Variants in RHBDD1 observed in about 807,000 individuals in gnomAD.
RHBDD1 encodes the protein rhomboid-related protein 4.
A neutral mutation model predicts 36.3 loss-of-function variants in RHBDD1; 38 were observed. The ratio of observed to expected loss-of-function variants is 1.05; its 90% CI spans 0.81 to 1.37. The LOEUF (loss-of-function observed/expected upper bound fraction) is 1.37, where lower values mean the gene tolerates loss of function less well. RHBDD1 is among the 40% of genes most tolerant of loss of function. RHBDD1 has a pLI of 0.00. For missense variants in RHBDD1, 393 were observed against 377.6 expected (o/e 1.04, Z -0.34); for synonymous variants, 151 against 136.5 (o/e 1.11, Z -0.74).
chr2:226,895,683 A>G (rs1947047028), intron 5 of RHBDD1: 1 of 985,284 alleles, frequency 1.0e-6, no homozygotes, highest in Admixed American at 6.1e-5. Flanking sequence ...GAATAGCAAC[A>G]CAGATCCTAA....
chr2:226,803,671 C>T, the RHBDD1 span, among the ~76,000 whole-genome samples: 1 of 152,170 alleles, frequency 6.6e-6, no homozygotes, highest in African/African-American at 2.4e-5. Context: ...AACCAACTGC[C>T]TTCTGACATA....
intron 7 of RHBDD1, among the ~76,000 whole-genome samples, chr2:226,910,954 A>G (rs1439089984): frequency 6.6e-6 from 1 of 152,026 alleles, no homozygotes; most frequent in Non-Finnish European, 1.5e-5. Flanking sequence ...AAACTTTCCC[A>G]TTTTCTTTCC....
At chr2:226,833,591 T>C (rs536548713), upstream of RHBDD1, among the ~76,000 whole-genome samples, 315 of 152,348 alleles carry the variant, frequency 2.1e-3, no homozygotes, top group African/African-American at 7.0e-3. Flanking sequence ...ATTTATTTTA[T>C]ACCATTCAAT....
chr2:226,992,077 A>G (rs1958354521), intron 8 of RHBDD1, among the ~76,000 whole-genome samples: 1 of 152,212 alleles, frequency 6.6e-6, no homozygotes, highest in Non-Finnish European at 1.5e-5. Flanking sequence ...CCTTCGAGAA[A>G]GCCTGCAAAG....
chr2:226,858,255 C>G (rs1230646737), intron 3 of RHBDD1, among the ~76,000 whole-genome samples: 1 of 152,138 alleles, frequency 6.6e-6, no homozygotes, highest in Non-Finnish European at 1.5e-5. Flanking sequence ...GAAAGTAGTG[C>G]TAATGATATA....
intron 8 of RHBDD1, among the ~76,000 whole-genome samples, chr2:226,987,518 C>A (rs181605692): frequency 6.6e-6 from 1 of 152,326 alleles, no homozygotes; most frequent in Admixed American, 6.5e-5. Context: ...GCCAATGAGG[C>A]AGGTTGCTGG....
In RHBDD1 at chr2:226,864,826, C is replaced by A. The variant is rs931147896; in HGVS notation, c.133C>A (p.Pro45Thr). 8.1e-6 allele frequency: 13 copies of A among 1,614,062 alleles called. No individual in the cohort carries two copies. The African/African-American group carries it at 1.6e-4, about 20-fold the overall frequency. Residue 45 changes from proline to threonine, a missense_variant, in exon 4 of 9, where the codon CCT (proline) becomes ACT (threonine). Pro to Thr is a conservative substitution (Grantham distance 38). Coordinates refer to ENST00000392062, the MANE Select transcript of RHBDD1 (RefSeq NM_001167608.3). ...CCTCAACATCTGGTTCTTCTTGAAC[C>A]CTCAGAAGCCACTGTATAGCTCCTG... is the stretch of plus-strand genomic sequence containing the variant. ...LALNIWFFLN[P>T]QKPLYSSCLS... is the part of the protein sequence containing the mutation.
At chr2:226,825,473 T>TA in the RHBDD1 span, among the ~76,000 whole-genome samples, 1 of 152,124 alleles carries the variant, frequency 6.6e-6, no homozygotes, top group South Asian at 2.1e-4. Context: ...CATAATGAGT[T>TA]AAAATAAGAT....
At chr2:226,819,984 T>TG in the RHBDD1 span, among the ~76,000 whole-genome samples, 2 of 151,368 alleles carry the variant, frequency 1.3e-5, no homozygotes, top group African/African-American at 4.8e-5. Context: ...TGTGTTTTTT[T>TG]TTTTTTTTTT....
chr2:226,819,973 G>C, the RHBDD1 span, among the ~76,000 whole-genome samples: 1 of 98,262 alleles, frequency 1.0e-5, no homozygotes, highest in South Asian at 3.5e-4. Flanking sequence ...TACATATTGT[G>C]TGTGTTTTTT....
chr2:226,865,160 AAAGGAAGC>A (rs1387621794), intron 4 of RHBDD1, 34 bp downstream of exon 4: 12 of 1,510,254 alleles, frequency 7.9e-6, no homozygotes, highest in Non-Finnish European at 1.1e-5. Flanking sequence ...TTGCATGCAT[AAAGGAAGC>A]AAGGGAGGTG....
At chr2:226,819,663 C>T in the RHBDD1 span, among the ~76,000 whole-genome samples, 1 of 152,142 alleles carries the variant, frequency 6.6e-6, no homozygotes, top group Non-Finnish European at 1.5e-5. Flanking sequence ...AAAAAAATTT[C>T]ATCTGAAATA....
At chr2:226,904,427 G>GGGGC (rs1559252754) in intron 5 of RHBDD1, among the ~76,000 whole-genome samples, 1 of 90,832 alleles carries the variant, frequency 1.1e-5, no homozygotes, top group African/African-American at 4.4e-5. Flanking sequence ...GGGGGGAGGG[G>GGGGC]GGTCAGGGAA....
intron 3 of RHBDD1, among the ~76,000 whole-genome samples, chr2:226,849,535 C>T (rs955884338): frequency 6.6e-6 from 1 of 152,340 alleles, no homozygotes; most frequent in Non-Finnish European, 1.5e-5. Flanking sequence ...ACCTACATCC[C>T]CTTGCCCTTA....
chr2:226,995,278 G>T (rs1489687946), intron 8 of RHBDD1, among the ~76,000 whole-genome samples, 153 bp from the exon 9 acceptor site: 1 of 152,144 alleles, frequency 6.6e-6, no homozygotes, highest in East Asian at 1.9e-4. Context: ...ATTTAGTACT[G>T]ACAGCTGAAG....
At chr2:226,969,547 C>G (rs1340814095) in intron 8 of RHBDD1, among the ~76,000 whole-genome samples, 1 of 152,056 alleles carries the variant, frequency 6.6e-6, no homozygotes, top group East Asian at 1.9e-4. Flanking sequence ...TTCCAAGTTT[C>G]TTAGGTAATG....
intron 5 of RHBDD1, among the ~76,000 whole-genome samples, chr2:226,880,185 AT>A (rs1279430275): frequency 6.6e-6 from 1 of 152,170 alleles, no homozygotes; most frequent in Non-Finnish European, 1.5e-5. Context: ...TGTATATAGA[AT>A]GATACCCTGT....
At chr2:226,818,672 C>G in the RHBDD1 span, among the ~76,000 whole-genome samples, 1 of 151,502 alleles carries the variant, frequency 6.6e-6, no homozygotes, top group Non-Finnish European at 1.5e-5. Context: ...AACCCCGTCT[C>G]TCCTAAAAAT....
chr2:226,955,012 C>T (rs775250103), intron 8 of RHBDD1, among the ~76,000 whole-genome samples: 6 of 151,830 alleles, frequency 4.0e-5, no homozygotes, highest in Admixed American at 6.6e-5. Context: ...GATTGGTGTG[C>T]TTGAGGGTAC....
Sources: gnomAD v4.1 joint callset for allele counts (sites outside exome capture counted in the v4.1 genomes callset) on GRCh38, gnomAD v4.1.1 for gene constraint, MANE v1.5 for transcripts, NCBI Gene and HGNC (gene_info 2026-07-23, HGNC 2026-07-21) for gene names.